The following LINGO2 variants were observed in gnomAD, a reference collection of about 807,000 sequenced individuals.
The protein encoded by LINGO2 is leucine-rich repeat and immunoglobulin-like domain-containing nogo receptor-interacting protein 2.
A neutral mutation model predicts 30.6 loss-of-function variants in LINGO2; 14 were observed. The ratio of observed to expected loss-of-function variants is 0.46; its 90% CI spans 0.30 to 0.72. The LOEUF (loss-of-function observed/expected upper bound fraction) is 0.72. Ranked by LOEUF, LINGO2 falls within the 30% of genes least tolerant of loss-of-function variation. The probability of loss-of-function intolerance (pLI) is 0.07; values close to 1 mark genes in which losing one functional copy is unlikely to be tolerated. For missense variants in LINGO2, 729 were observed against 751.7 expected (o/e 0.97, Z 0.35); for synonymous variants, 317 against 288.5 (o/e 1.10, Z -1.00).
At chr9:28,527,651 G>T (rs192485514) in intron 1 of LINGO2, among the ~76,000 whole-genome samples, 33 of 152,240 alleles carry the variant, frequency 2.2e-4, no homozygotes, top group African/African-American at 5.8e-4. Context: ...CACTGCCCCA[G>T]TGTGGACGAC....
At chr9:28,252,614 G>T (rs1210836011) in intron 4 of LINGO2, among the ~76,000 whole-genome samples, 1 of 151,726 alleles carries the variant, frequency 6.6e-6, no homozygotes. Flanking sequence ...TTAAATGAGA[G>T]CAATCATATG....
chr9:28,102,742 T>TA (rs1406318888), intron 4 of LINGO2, among the ~76,000 whole-genome samples: 1 of 151,760 alleles, frequency 6.6e-6, no homozygotes, highest in Non-Finnish European at 1.5e-5. Flanking sequence ...CTAATAAGCA[T>TA]AAAAAATGTT....
chr9:28,698,754 C>T, the LINGO2 span, among the ~76,000 whole-genome samples: 32 of 152,086 alleles, frequency 2.1e-4, no homozygotes, highest in African/African-American at 7.2e-4. Context: ...CATCCCCCAC[C>T]AGGCCAGGTT....
At chr9:28,557,353 T>C (rs570907167) in intron 1 of LINGO2, among the ~76,000 whole-genome samples, 1 of 151,976 alleles carries the variant, frequency 6.6e-6, no homozygotes, top group Non-Finnish European at 1.5e-5. Flanking sequence ...AACAGACACT[T>C]CTTAAAAGAA....
Position 28,147,477 on chromosome 9 carries a change from G to A in LINGO2, c.-86-135072C>T, listed in dbSNP as rs563076666. ...CCCTTGAGGCCACGGCAGCCATGGA[G>A]AAGGCGGGCCTGGCTCCAGGCAGCA... On this transcript the variant is annotated intron_variant, in intron 4 of 5. Transcript: ENST00000379992. This position sits in a 1 kb window ranked among gnomAD's most constrained non-coding sequence, Gnocchi z 4.7. Among the ~76,000 whole-genome samples the A allele has an allele frequency of 3.3e-5, 5 of 152,330 alleles. 1 individual carries two copies. The South Asian group carries it at 8.3e-4, about 25-fold the overall frequency.
intron 3 of LINGO2, among the ~76,000 whole-genome samples, chr9:28,305,781 C>A (rs1159537144): frequency 1.3e-5 from 2 of 151,926 alleles, no homozygotes; most frequent in Non-Finnish European, 2.9e-5. Flanking sequence ...AAATTGACAT[C>A]AACAATAATG....
chr9:28,873,810 C>T, the LINGO2 span, among the ~76,000 whole-genome samples: 2 of 152,004 alleles, frequency 1.3e-5, no homozygotes, highest in Non-Finnish European at 2.9e-5. Flanking sequence ...GTACCTAGAA[C>T]ACATGAGCTC....
the LINGO2 span, among the ~76,000 whole-genome samples, chr9:29,159,341 A>C: frequency 6.6e-6 from 1 of 152,172 alleles, no homozygotes. Context: ...TAGGTAGATT[A>C]TTCCCACTCA....
At chr9:28,490,517 C>T (rs1406970652) in intron 1 of LINGO2, among the ~76,000 whole-genome samples, 1 of 152,154 alleles carries the variant, frequency 6.6e-6, no homozygotes, top group East Asian at 1.9e-4. Flanking sequence ...GTCATAAATA[C>T]AGTGAGTGCT....
the LINGO2 span, among the ~76,000 whole-genome samples, chr9:28,993,113 C>T: frequency 2.0e-5 from 3 of 151,914 alleles, no homozygotes; most frequent in African/African-American, 4.8e-5. Context: ...ATTGACAGAC[C>T]GCTAGCAAGA....
chr9:28,481,156 G>C (rs1021896376), intron 1 of LINGO2, among the ~76,000 whole-genome samples: 1 of 152,030 alleles, frequency 6.6e-6, no homozygotes, highest in Non-Finnish European at 1.5e-5. Context: ...TTACCTTTTT[G>C]GGCTCATTTC....
chr9:28,941,015 C>CAAAAA, the LINGO2 span, among the ~76,000 whole-genome samples: 485 of 147,480 alleles, frequency 3.3e-3, 3 homozygotes, highest in Middle Eastern at 0.014. Flanking sequence ...TTTCTCTCCA[C>CAAAAA]AAAAAAAAAT....
In LINGO2 at chr9:27,971,391, A is replaced by T. The variant is rs142834395; in HGVS notation, c.-35-20685T>A. On this transcript the variant is annotated intron_variant, in intron 5 of 5. Coordinates refer to ENST00000379992, the Ensembl canonical transcript of LINGO2. ...AAAAATGATTTGAAATTTAAATTTT[A>T]TTATTTTTTAGATTGAGTTCTGCTC... 6.7e-3 allele frequency among the ~76,000 whole-genome samples: 1,022 copies of T among 152,182 alleles called. 14 individuals carry two copies. Among genetic ancestry groups the T allele is most frequent in the African/African-American group, 0.024 (987 of 41,518 alleles).
intron 2 of LINGO2, among the ~76,000 whole-genome samples, chr9:28,468,820 C>T (rs1483382495): frequency 6.6e-6 from 1 of 152,170 alleles, no homozygotes; most frequent in African/African-American, 2.4e-5. Context: ...TTTTCCCCTG[C>T]ACAGAGCCAG....
the LINGO2 span, among the ~76,000 whole-genome samples, chr9:28,700,910 A>G: frequency 6.6e-6 from 1 of 151,976 alleles, no homozygotes; most frequent in Non-Finnish European, 1.5e-5. Context: ...ATATGATGTG[A>G]AGCATCTTCT....
chr9:28,238,674 A>G (rs1162517874), intron 4 of LINGO2, among the ~76,000 whole-genome samples: 1 of 152,138 alleles, frequency 6.6e-6, no homozygotes, highest in Non-Finnish European at 1.5e-5. Context: ...TGTAGCTATA[A>G]ATGCCTACAT....
chr9:28,359,389 C>G (rs1056028385), intron 3 of LINGO2, among the ~76,000 whole-genome samples: 2 of 151,966 alleles, frequency 1.3e-5, no homozygotes, highest in Non-Finnish European at 2.9e-5. Context: ...TCTTCATTGC[C>G]AAACACAAAA....
chr9:28,648,926 G>A (rs1167657083), intron 1 of LINGO2, among the ~76,000 whole-genome samples: 4 of 151,978 alleles, frequency 2.6e-5, no homozygotes, highest in South Asian at 2.1e-4. Context: ...GGTAGGGGGC[G>A]GTAAAGAGAC....
chr9:29,184,048 T>C, the LINGO2 span, among the ~76,000 whole-genome samples: 1 of 152,178 alleles, frequency 6.6e-6, no homozygotes, highest in African/African-American at 2.4e-5. Context: ...GAACACGCTC[T>C]TATCTAAAGC....
Sources: gnomAD v4.1 joint callset for allele counts (sites outside exome capture counted in the v4.1 genomes callset) on GRCh38, gnomAD v4.1.1 for gene constraint, Gnocchi (gnomAD v3.1) non-coding constraint, MANE v1.5 for transcripts, NCBI Gene and HGNC (gene_info 2026-07-23, HGNC 2026-07-21) for gene names.